The following KCNB2 variants were observed in gnomAD, a reference collection of about 807,000 sequenced individuals.
KCNB2 encodes potassium voltage-gated channel subfamily B member 2.
In KCNB2, 15 loss-of-function variants were observed where a neutral mutation model predicts 61.5. That is an observed-to-expected ratio of 0.24 (90% CI 0.16 to 0.38). KCNB2 has a LOEUF of 0.38. Ranked by LOEUF, KCNB2 falls within the 10% of genes least tolerant of loss-of-function variation. KCNB2 has a pLI of 1.00. For missense variants in KCNB2, 828 were observed against 1,125.2 expected (o/e 0.74, Z 3.78); for synonymous variants, 457 against 446.0 (o/e 1.02, Z -0.31).
At chr8:72,573,395 A>T (rs920533068) in intron 2 of KCNB2, among the ~76,000 whole-genome samples, 6 of 152,162 alleles carry the variant, frequency 3.9e-5, no homozygotes, top group African/African-American at 1.4e-4. Flanking sequence ...GCTGTATAAC[A>T]CTCTTTGTTT....
chr8:72,636,375 T>C (rs1219386761), intron 2 of KCNB2, among the ~76,000 whole-genome samples: 1 of 152,210 alleles, frequency 6.6e-6, no homozygotes, highest in Non-Finnish European at 1.5e-5. Flanking sequence ...TAGATTTTTA[T>C]GTAAATTAGA....
At chr8:72,747,318 C>T (rs1808092708) in intron 2 of KCNB2, among the ~76,000 whole-genome samples, 2 of 152,126 alleles carry the variant, frequency 1.3e-5, no homozygotes, top group Admixed American at 6.6e-5. Flanking sequence ...TGGTGCCTGG[C>T]CCCATGGTGA....
intron 2 of KCNB2, among the ~76,000 whole-genome samples, chr8:72,785,491 A>G (rs2128998257): frequency 6.6e-6 from 1 of 152,288 alleles, no homozygotes; most frequent in East Asian, 1.9e-4. Flanking sequence ...AAGAAAATAA[A>G]GTTAATCAAG....
At chr8:72,797,121 T>C (rs2128999181) in intron 2 of KCNB2, among the ~76,000 whole-genome samples, 1 of 152,312 alleles carries the variant, frequency 6.6e-6, no homozygotes, top group East Asian at 1.9e-4. Context: ...GAGCCTCAGA[T>C]TCTACTGGGC....
At chr8:72,740,228 G>A (rs1345426738) in intron 2 of KCNB2, among the ~76,000 whole-genome samples, 1 of 152,120 alleles carries the variant, frequency 6.6e-6, no homozygotes, top group Admixed American at 6.5e-5. Context: ...TATCAAACAG[G>A]TACTGTTTTT....
At chr8:72,771,622 G>A (rs1344206174) in intron 2 of KCNB2, among the ~76,000 whole-genome samples, 2 of 152,032 alleles carry the variant, frequency 1.3e-5, no homozygotes, top group African/African-American at 4.8e-5. Flanking sequence ...TGATAGCCAA[G>A]TCTCATTGAG....
At chr8:72,920,471 A>ATATATATATATATATGTG (rs1323200698) in intron 2 of KCNB2, among the ~76,000 whole-genome samples, 7 of 42,258 alleles carry the variant, frequency 1.7e-4, no homozygotes, top group Admixed American at 3.8e-4. Flanking sequence ...CTATCTATCT[A>ATATATATATATATATGTG]TCTATATATA....
intron 2 of KCNB2, among the ~76,000 whole-genome samples, chr8:72,744,127 A>G (rs1026638376): frequency 6.6e-6 from 1 of 152,150 alleles, no homozygotes; most frequent in Non-Finnish European, 1.5e-5. Context: ...TAGGGATACT[A>G]TTTGAAATCT....
At chr8:72,930,746 T>C (rs952404942) in intron 2 of KCNB2, among the ~76,000 whole-genome samples, 9 of 152,210 alleles carry the variant, frequency 5.9e-5, no homozygotes, top group African/African-American at 1.9e-4. Context: ...ATTCTGTAGG[T>C]TGCCTGTTCA....
chr8:72,761,835 AG>A (rs1218506776), intron 2 of KCNB2, among the ~76,000 whole-genome samples: 1 of 152,208 alleles, frequency 6.6e-6, no homozygotes, highest in Non-Finnish European at 1.5e-5. Context: ...CACTGCTGAC[AG>A]CCTGTACAAG....
chr8:72,782,275 G>A (rs1808771414), intron 2 of KCNB2, among the ~76,000 whole-genome samples: 1 of 152,042 alleles, frequency 6.6e-6, no homozygotes, highest in African/African-American at 2.4e-5. Flanking sequence ...ATCATTTAGA[G>A]TTGCTTAGAT....
At chr8:72,599,708 G>T (rs1343049564) in intron 2 of KCNB2, among the ~76,000 whole-genome samples, 5 of 152,046 alleles carry the variant, frequency 3.3e-5, no homozygotes, top group Non-Finnish European at 7.4e-5. Context: ...CAGACAAAGG[G>T]CTAATATCCA....
At chr8:72,796,998 T>A (rs1809041632) in intron 2 of KCNB2, among the ~76,000 whole-genome samples, 1 of 152,200 alleles carries the variant, frequency 6.6e-6, no homozygotes, top group African/African-American at 2.4e-5. Context: ...GGATCAAGTG[T>A]GTGAAAGTGC....
At chr8:72,698,417 C>A (rs1422514586) in intron 2 of KCNB2, among the ~76,000 whole-genome samples, 1 of 152,022 alleles carries the variant, frequency 6.6e-6, no homozygotes, top group Admixed American at 6.6e-5. Context: ...GAATTAATAT[C>A]ATTAAAATGT....
At chr8:72,709,685 G>C (rs187092077) in intron 2 of KCNB2, among the ~76,000 whole-genome samples, 4 of 151,920 alleles carry the variant, frequency 2.6e-5, no homozygotes, top group Non-Finnish European at 5.9e-5. Context: ...GATCCACCCC[G>C]CTGATCCAGT....
At chr8:72,630,777 G>A (rs762743218) in intron 2 of KCNB2, among the ~76,000 whole-genome samples, 8 of 152,124 alleles carry the variant, frequency 5.3e-5, no homozygotes, top group Non-Finnish European at 8.8e-5. Flanking sequence ...ATTTGTCAGC[G>A]TTGTCCTTTG....
chr8:72,643,903 T>C (rs144814760), intron 2 of KCNB2, among the ~76,000 whole-genome samples: 23 of 151,870 alleles, frequency 1.5e-4, no homozygotes, highest in African/African-American at 5.1e-4. Flanking sequence ...AGAAAGGGAG[T>C]TTAAACTTTT....
rs187495756 is a variant in KCNB2, at chr8:72,823,860, C to T, written c.580-112075C>T. ...CCAAAGCCCAGGTGTCCTGTCACCC[C>T]GAGGGCCACAGGCTTTACTTACACC... is the stretch of plus-strand genomic sequence containing the variant. On this transcript the variant is annotated intron_variant, in intron 2 of 2. Transcript: ENST00000523207. Among the ~76,000 whole-genome samples the T allele has an allele frequency of 2.0e-3, 311 of 152,180 alleles. 1 individual carries two copies. Among genetic ancestry groups the T allele is most frequent in the Middle Eastern group, 0.02 (6 of 294 alleles).
At chr8:72,583,189 T>A (rs1806934848) in intron 2 of KCNB2, among the ~76,000 whole-genome samples, 1 of 152,180 alleles carries the variant, frequency 6.6e-6, no homozygotes, top group South Asian at 2.1e-4. Context: ...TTTCAGACCT[T>A]ACTGATGGGA....
Sources: allele counts gnomAD v4.1 joint callset (sites outside exome capture counted in the v4.1 genomes callset), GRCh38; gene constraint gnomAD v4.1.1; transcripts MANE v1.5; gene names NCBI Gene and HGNC (gene_info 2026-07-23, HGNC 2026-07-21).